TNIK: variants seen among roughly 807,000 people sequenced by gnomAD.
TNIK encodes the protein TRAF2 and NCK-interacting protein kinase.
TNIK carries 49 observed loss-of-function variants against 191.3 expected under a neutral mutation model. That is an observed-to-expected ratio of 0.26 (90% CI 0.20 to 0.32). The LOEUF is 0.32. Among genes scored for constraint, TNIK ranks in the 10% least tolerant of loss-of-function variants. The pLI, the probability that TNIK is intolerant of heterozygous loss-of-function variation, is 1.00. For missense variants in TNIK, 1,155 were observed against 1,702.3 expected (o/e 0.68, Z 5.66); for synonymous variants, 594 against 600.9 (o/e 0.99, Z 0.17).
At chr3:171,107,911 A>G (rs1725183606) in intron 20 of TNIK, 154 bp downstream of exon 20, 2 of 665,340 alleles carry the variant, frequency 3.0e-6, no homozygotes, top group African/African-American at 3.7e-5. Flanking sequence ...GTTCTTTCCT[A>G]ATCAGGTATG....
At chr3:171,322,254 G>T (rs560191312) in intron 2 of TNIK, among the ~76,000 whole-genome samples, 1 of 152,122 alleles carries the variant, frequency 6.6e-6, no homozygotes, top group Admixed American at 6.5e-5. Flanking sequence ...ACAGAAGCAG[G>T]CTCAGTGTTT....
At chr3:171,089,867 A>T (rs1181154300) in intron 23 of TNIK, among the ~76,000 whole-genome samples, 1 of 152,158 alleles carries the variant, frequency 6.6e-6, no homozygotes, top group Non-Finnish European at 1.5e-5. Context: ...TCCATCAATT[A>T]TCTTGCCCTG....
At chr3:171,410,958 A>G (rs1181263402) in intron 1 of TNIK, among the ~76,000 whole-genome samples, 1 of 152,098 alleles carries the variant, frequency 6.6e-6, no homozygotes, top group Non-Finnish European at 1.5e-5. Context: ...CACTACACTC[A>G]GATTGCCTTG....
chr3:171,198,189 G>C (rs1423252401), intron 4 of TNIK, among the ~76,000 whole-genome samples: 2 of 152,102 alleles, frequency 1.3e-5, no homozygotes, highest in East Asian at 3.9e-4. Context: ...CTTGAACCCA[G>C]GAGGCGGAGC....
chr3:171,169,329 A>G (rs537175151), intron 9 of TNIK, among the ~76,000 whole-genome samples: 12 of 151,714 alleles, frequency 7.9e-5, no homozygotes, highest in African/African-American at 2.9e-4. Flanking sequence ...GTGCAATGGC[A>G]TGATCTCAGC....
chr3:171,336,541 C>A (rs1460078556), intron 2 of TNIK, among the ~76,000 whole-genome samples: 1 of 152,134 alleles, frequency 6.6e-6, no homozygotes, highest in Non-Finnish European at 1.5e-5. Context: ...TGAGGAAAGG[C>A]CTAACAGTCT....
intron 1 of TNIK, among the ~76,000 whole-genome samples, chr3:171,370,829 T>C (rs1716390701): frequency 6.6e-6 from 1 of 152,234 alleles, no homozygotes; most frequent in Admixed American, 6.5e-5. Context: ...TCTCCTATTT[T>C]TTAAGTTTTA....
At chr3:171,427,549 A>T (rs1215241064) in intron 1 of TNIK, among the ~76,000 whole-genome samples, 1 of 152,170 alleles carries the variant, frequency 6.6e-6, no homozygotes, top group Non-Finnish European at 1.5e-5. Flanking sequence ...ATACAACAAC[A>T]TATTAAAGCA....
intron 1 of TNIK, among the ~76,000 whole-genome samples, chr3:171,372,756 T>G (rs535825988): frequency 6.6e-6 from 1 of 152,326 alleles, no homozygotes; most frequent in South Asian, 2.1e-4. Context: ...GGTGGACAAC[T>G]GAGTGCCTCA....
chr3:171,364,790 G>A (rs916117302), intron 2 of TNIK, among the ~76,000 whole-genome samples: 1 of 152,088 alleles, frequency 6.6e-6, no homozygotes, highest in Admixed American at 6.6e-5. Flanking sequence ...TCCTTGAGAA[G>A]GTAACATTTG....
At chr3:171,371,559 G>A (rs1353889471) in intron 1 of TNIK, among the ~76,000 whole-genome samples, 1 of 152,120 alleles carries the variant, frequency 6.6e-6, no homozygotes, top group Non-Finnish European at 1.5e-5. Flanking sequence ...TGCCCCACCT[G>A]GTCTGGGAGG....
At chr3:171,071,870 C>T (rs143358836) in intron 28 of TNIK, among the ~76,000 whole-genome samples, 5 of 152,160 alleles carry the variant, frequency 3.3e-5, no homozygotes, top group South Asian at 4.2e-4. Context: ...TAAAGGGCTA[C>T]GAATACTGAC....
At chr3:171,109,004 C>A (rs948180562) in intron 19 of TNIK, among the ~76,000 whole-genome samples, 1 of 152,036 alleles carries the variant, frequency 6.6e-6, no homozygotes, top group Non-Finnish European at 1.5e-5. Flanking sequence ...ATACAACAGC[C>A]CTTTTAATCC....
chr3:171,360,001 G>T (rs1481151250), intron 2 of TNIK, among the ~76,000 whole-genome samples: 2 of 152,178 alleles, frequency 1.3e-5, no homozygotes, highest in Non-Finnish European at 2.9e-5. Context: ...TGAGGGGGTT[G>T]TGCATCAAGT....
chr3:171,293,198 A>C (rs1330316953), intron 2 of TNIK, among the ~76,000 whole-genome samples: 1 of 152,220 alleles, frequency 6.6e-6, no homozygotes, highest in Non-Finnish European at 1.5e-5. Context: ...TGATTAACAA[A>C]AAAATCTTTT....
chr3:171,075,780 A>G (rs1287041937), intron 28 of TNIK, among the ~76,000 whole-genome samples: 1 of 148,654 alleles, frequency 6.7e-6, no homozygotes, highest in Non-Finnish European at 1.5e-5. Flanking sequence ...ACTGTTGCCC[A>G]GGCTGGAGTG....
At chr3:171,269,814 C>A in intron 2 of TNIK, among the ~76,000 whole-genome samples, 1 of 152,114 alleles carries the variant, frequency 6.6e-6, no homozygotes, top group East Asian at 1.9e-4. Flanking sequence ...TCTTTACTGA[C>A]TCTTGCATCA....
At chr3:171,120,138 G>T (rs1371957820) in intron 18 of TNIK, among the ~76,000 whole-genome samples, 2 of 151,806 alleles carry the variant, frequency 1.3e-5, no homozygotes, top group Non-Finnish European at 2.9e-5. Context: ...TTCTCTTCAG[G>T]GTACTAAATA....
intron 1 of TNIK, among the ~76,000 whole-genome samples, chr3:171,455,721 T>C (rs1262758860): frequency 6.6e-6 from 1 of 152,216 alleles, no homozygotes; most frequent in Non-Finnish European, 1.5e-5. Context: ...ACAGTTGTGA[T>C]GATTCTTATT....
Sources: gnomAD v4.1 joint callset for allele counts (sites outside exome capture counted in the v4.1 genomes callset) on GRCh38, gnomAD v4.1.1 for gene constraint, MANE v1.5 for transcripts, NCBI Gene and HGNC (gene_info 2026-07-23, HGNC 2026-07-21) for gene names.